The following SMAGP variants were observed in gnomAD, a reference collection of about 807,000 sequenced individuals.
The protein encoded by SMAGP is small cell adhesion glycoprotein.
Under a neutral mutation model 10.1 loss-of-function variants are expected in SMAGP, and 7 were observed. That is an observed-to-expected ratio of 0.70 (90% CI 0.40 to 1.31). The LOEUF (loss-of-function observed/expected upper bound fraction) is 1.31. Among genes scored for constraint, SMAGP ranks in the 50% most tolerant of loss-of-function variants. The pLI, the probability that SMAGP is intolerant of heterozygous loss-of-function variation, is 0.01. For synonymous variants in SMAGP, 49 were observed against 47.2 expected, an observed-to-expected ratio of 1.04 and a Z score of -0.16; for missense variants, 113 against 116.5, an observed-to-expected ratio of 0.97 and a Z score of 0.14.
chr12:51,269,806 C>G (rs76143369), intron 1 of SMAGP: 8,340 of 152,384 alleles, frequency 0.055, 333 homozygotes, highest in East Asian at 0.2. Context: ...CGGGAGGCGA[C>G]GGCCGTGGGC....
At chr12:51,248,901 A>C (rs1167038687) in intron 2 of SMAGP, among the ~76,000 whole-genome samples, 18 of 1,972 alleles carry the variant, frequency 9.1e-3, no homozygotes, top group African/African-American at 0.014. Context: ...AAAATACCAC[A>C]AAAAAAAAAA....
chr12:51,248,426 ACACACACACTCTCTCTCTCT>A (rs751601198), intron 2 of SMAGP, among the ~76,000 whole-genome samples: 274 of 112,264 alleles, frequency 2.4e-3, no homozygotes, highest in East Asian at 8.2e-3. Flanking sequence ...ACACACACAC[ACACACACACTCTCTCTCTCT>A]CTCTCTCTCT....
intron 2 of SMAGP, among the ~76,000 whole-genome samples, chr12:51,261,035 T>TAA (rs1234757567): frequency 2.0e-5 from 3 of 149,266 alleles, no homozygotes; most frequent in Non-Finnish European, 4.4e-5. Flanking sequence ...GTGATACACC[T>TAA]ACCTTGGCCT....
chr12:51,266,791 A>C (rs1403769524), intron 2 of SMAGP, among the ~76,000 whole-genome samples: 1 of 152,188 alleles, frequency 6.6e-6, no homozygotes, highest in African/African-American at 2.4e-5. Flanking sequence ...AAAATGGCTA[A>C]AATGGTAATA....
intron 2 of SMAGP, 120 bp downstream of exon 2, chr12:51,269,125 G>T: frequency 9.3e-7 from 1 of 1,081,042 alleles, no homozygotes; most frequent in Non-Finnish European, 1.4e-6. Context: ...CCCTTCCTGT[G>T]TGAGGCAGGC....
intron 2 of SMAGP, among the ~76,000 whole-genome samples, chr12:51,248,434 A>ACTCTCTCTCTCTCTCTCTCTCT (rs56012746): frequency 1.3e-5 from 1 of 77,466 alleles, no homozygotes; most frequent in African/African-American, 5.1e-5. Flanking sequence ...ACACACACAC[A>ACTCTCTCTCTCTCTCTCTCTCT]CTCTCTCTCT....
At chr12:51,265,766 T>C (rs1944967737) in intron 2 of SMAGP, among the ~76,000 whole-genome samples, 1 of 152,064 alleles carries the variant, frequency 6.6e-6, no homozygotes. Flanking sequence ...TGGAGATGGA[T>C]GGTGGTGAGG....
intron 2 of SMAGP, among the ~76,000 whole-genome samples, chr12:51,249,426 G>T (rs760453795): frequency 1.3e-5 from 2 of 152,114 alleles, no homozygotes; most frequent in Non-Finnish European, 2.9e-5. Flanking sequence ...TTGGCCTGTG[G>T]TATCTGACAC....
intron 2 of SMAGP, among the ~76,000 whole-genome samples, chr12:51,257,209 G>C (rs986094939): frequency 2.6e-5 from 4 of 152,126 alleles, no homozygotes; most frequent in Non-Finnish European, 5.9e-5. Flanking sequence ...CCAGATGAGA[G>C]GCACAATTGA....
intron 2 of SMAGP, among the ~76,000 whole-genome samples, chr12:51,267,770 C>T (rs531741789): frequency 1.3e-5 from 2 of 152,238 alleles, no homozygotes; most frequent in South Asian, 2.1e-4. Flanking sequence ...GAATTACAGG[C>T]GTGAGCCACC....
At chr12:51,268,888 T>C (rs941205700) in intron 2 of SMAGP, among the ~76,000 whole-genome samples, 25 of 152,122 alleles carry the variant, frequency 1.6e-4, no homozygotes, top group African/African-American at 5.8e-4. Context: ...GCCCGGCCTC[T>C]TTCTTTCTTT....
At chr12:51,269,406 G>T in intron 1 of SMAGP, 90 bp from the exon 2 acceptor site, 3 of 965,590 alleles carry the variant, frequency 3.1e-6, no homozygotes, top group Non-Finnish European at 4.9e-6. Flanking sequence ...CTGGTGCCAG[G>T]TTCTCCCAAG....
chr12:51,267,730 G>A (rs1975004), intron 2 of SMAGP, among the ~76,000 whole-genome samples: 104,486 of 151,800 alleles, frequency 0.69, 38,977 homozygotes, highest in Non-Finnish European at 0.85. Flanking sequence ...CCTGAGCTCA[G>A]TCTGCCTGCC....
chr12:51,245,883 A>C lies in SMAGP; in HGVS notation c.*58T>G, dbSNP rs547211527. Reference sequence around the variant, plus strand: ...GCTTCAGAGAAAACTTTCCCATAATAAGCAGTCAACGTGTTAGCGATGGAG... The same window carrying C: ...GCTTCAGAGAAAACTTTCCCATAATCAGCAGTCAACGTGTTAGCGATGGAG... On this transcript the variant is annotated 3_prime_UTR_variant, in exon 4 of 4. Coordinates refer to ENST00000603798, the MANE Select transcript of SMAGP (RefSeq NM_001031628.2). 6.5e-7 allele frequency: 1 copy of C among 1,544,784 alleles called. No individual in the cohort carries two copies. The highest frequency in any genetic ancestry group is 1.4e-5 in the African/African-American group (1 of 72,840).
At chr12:51,269,392 G>A (rs1172788739) in intron 1 of SMAGP, 76 bp from the exon 2 acceptor site, 1 of 1,163,176 alleles carries the variant, frequency 8.6e-7, no homozygotes, top group Admixed American at 1.9e-5. Context: ...TCCCAGGAAA[G>A]CCTCTGGTGC....
At chr12:51,269,506 T>C in intron 1 of SMAGP, 190 bp from the exon 2 acceptor site, 1 of 563,656 alleles carries the variant, frequency 1.8e-6, no homozygotes, top group Non-Finnish European at 3.2e-6. Context: ...GGAGCAGGTC[T>C]GAGGCCGCAT....
At chr12:51,248,428 ACACACACTCTCTCTCT>A (rs748454115) in intron 2 of SMAGP, among the ~76,000 whole-genome samples, 3,681 of 103,920 alleles carry the variant, frequency 0.035, 76 homozygotes, top group African/African-American at 0.076. Context: ...ACACACACAC[ACACACACTCTCTCTCT>A]CTCTCTCTCT....
At chr12:51,247,817 C>A (rs1944791941) in intron 2 of SMAGP, among the ~76,000 whole-genome samples, 1 of 152,174 alleles carries the variant, frequency 6.6e-6, no homozygotes, top group Non-Finnish European at 1.5e-5. Flanking sequence ...CAGACACGGC[C>A]AGCTTCCCGA....
intron 2 of SMAGP, among the ~76,000 whole-genome samples, chr12:51,261,155 G>A (rs1173082805): frequency 7.1e-6 from 1 of 141,126 alleles, no homozygotes; most frequent in African/African-American, 2.6e-5. Flanking sequence ...GAGTGCAGTG[G>A]CTCAATCTTG....
Sources: allele counts gnomAD v4.1 joint callset (sites outside exome capture counted in the v4.1 genomes callset), GRCh38; gene constraint gnomAD v4.1.1; transcripts MANE v1.5; gene names NCBI Gene and HGNC (gene_info 2026-07-23, HGNC 2026-07-21).